The following ATOX1 variants were observed in gnomAD, a reference collection of about 807,000 sequenced individuals.
ATOX1 encodes the protein copper transport protein ATOX1.
A neutral mutation model predicts 7.3 loss-of-function variants in ATOX1; 4 were observed. The observed-to-expected ratio is 0.55, with a 90% CI of 0.27 to 1.25. The LOEUF (loss-of-function observed/expected upper bound fraction) is 1.25. Among genes scored for constraint, ATOX1 ranks in the 50% most tolerant of loss-of-function variants. The pLI, the probability that ATOX1 is intolerant of heterozygous loss-of-function variation, is 0.12. For synonymous variants in ATOX1, 25 were observed against 28.7 expected (o/e 0.87, Z 0.41); for missense variants, 68 against 81.6 (o/e 0.83, Z 0.64).
intron 2 of ATOX1, among the ~76,000 whole-genome samples, chr5:151,749,520 G>A (rs1421923090): frequency 2.0e-5 from 3 of 150,708 alleles, no homozygotes; most frequent in African/African-American, 7.3e-5. Context: ...GCGTGGTGGC[G>A]GGCACCTATA....
rs186313532 is a variant in ATOX1, at chr5:151,758,619, G to A, written c.-68C>T. On this transcript the variant is annotated 5_prime_UTR_variant, in exon 1 of 4. Transcript: ENST00000313115. ...CAGCAGCGCCTCTCTGGATTCGGAG[G>A]GCGGGTTCGGCTGCGCTTCCGAGAG... 2.0e-3 allele frequency: 2,732 copies of A among 1,355,326 alleles called. 7 individuals carry two copies. The highest frequency in any genetic ancestry group is 8.0e-3 in the East Asian group (266 of 33,450). The allele number at this position is 1,355,326 out of a possible 1,614,324, so 84.0% of individuals were successfully genotyped here. A position where few individuals can be genotyped will look rare whatever the true frequency, so the allele number is the denominator to read the frequency against.
chr5:151,755,969 T>A (rs1057112579), intron 1 of ATOX1, among the ~76,000 whole-genome samples: 2 of 144,192 alleles, frequency 1.4e-5, no homozygotes, highest in African/African-American at 5.3e-5. Flanking sequence ...TGAGACTGAG[T>A]CTCACAGTGT....
At chr5:151,755,497 C>G (rs1762003750) in intron 1 of ATOX1, among the ~76,000 whole-genome samples, 1 of 152,200 alleles carries the variant, frequency 6.6e-6, no homozygotes, top group Admixed American at 6.5e-5. Flanking sequence ...CGCCAGCCCT[C>G]ATAACCCTGA....
intron 2 of ATOX1, 151 bp from the exon 3 acceptor site, chr5:151,746,600 G>T: frequency 1.0e-6 from 1 of 972,148 alleles, no homozygotes; most frequent in Non-Finnish European, 1.5e-6. Flanking sequence ...TAACAGGCCA[G>T]AAAGCAAATG....
intron 1 of ATOX1, among the ~76,000 whole-genome samples, chr5:151,755,824 G>A (rs1762006625): frequency 6.6e-6 from 1 of 152,078 alleles, no homozygotes; most frequent in South Asian, 2.1e-4. Flanking sequence ...GCATAACTGG[G>A]TAGTTCTGGT....
intron 2 of ATOX1, chr5:151,746,688 C>A (rs1581555725): frequency 2.5e-6 from 1 of 405,996 alleles, no homozygotes; most frequent in Non-Finnish European, 4.6e-6. Context: ...CCTGAACATA[C>A]AAAAACAGGC....
chr5:151,743,168 C>T (rs1440673140), intron 3 of ATOX1: 1 of 152,208 alleles, frequency 6.6e-6, no homozygotes, highest in African/African-American at 2.4e-5. Context: ...CACACTGCTC[C>T]CATGAAGTCT....
rs765470269 is a variant in ATOX1, at chr5:151,746,344, G to A, written c.188C>T (p.Ser63Phe). The A allele has an allele frequency of 1.9e-6, 3 of 1,613,664 alleles. No individual in the cohort carries two copies. The highest frequency in any genetic ancestry group is 2.5e-6 in the Non-Finnish European group (3 of 1,179,792). The change falls in exon 3 of 4, where the codon TCC becomes TTC. Residue 63 changes from serine to phenylalanine, a missense_variant. Coordinates refer to ENST00000313115, the MANE Select transcript of ATOX1 (RefSeq NM_004045.4). The stretch of plus-strand genomic sequence containing the variant: ...CCCCTGCTACTCAAGGCCAAGGTAG[G>A]AAACAGTCTTTCCTGTTTTCTTCAG... ...ATLKKTGKTV[S>F]YLGLE
chr5:151,746,510 GA>G (rs1167748430), intron 2 of ATOX1, 61 bp from the exon 3 acceptor site: 21 of 1,602,982 alleles, frequency 1.3e-5, no homozygotes, highest in Non-Finnish European at 1.6e-5. Context: ...GTTACAGCAA[GA>G]AAGAGTTCAG....
At chr5:151,757,277 T>C (rs1762030464) in intron 1 of ATOX1, among the ~76,000 whole-genome samples, 2 of 152,154 alleles carry the variant, frequency 1.3e-5, no homozygotes, top group Admixed American at 1.3e-4. Context: ...ACAGTGATGA[T>C]CAAGCTAGCC....
chr5:151,747,497 C>T (rs1255177195), intron 2 of ATOX1, among the ~76,000 whole-genome samples: 1 of 151,884 alleles, frequency 6.6e-6, no homozygotes, highest in Non-Finnish European at 1.5e-5. Flanking sequence ...ATTGCCCAGG[C>T]TGGTCTTGAA....
Position 151,756,108 on chromosome 5 carries a change from A to AT in ATOX1, c.6+2437dup, listed in dbSNP as rs1264104391. Among the ~76,000 whole-genome samples, 3 of 151,372 alleles carry AT rather than the reference A, an allele frequency of 2.0e-5. No homozygotes were observed. In the East Asian group the frequency reaches 5.9e-4, roughly 30 times the overall value. On this transcript the variant is annotated intron_variant, in intron 1 of 3. Transcript: ENST00000313115. Reference sequence around the variant, plus strand: ...AGGCGTCCGCCACCATGCCCGGCTAATTTTTTTGTATATTTAGTAGAGACG... The same window carrying AT: ...AGGCGTCCGCCACCATGCCCGGCTAATTTTTTTTGTATATTTAGTAGAGACG...
intron 2 of ATOX1, among the ~76,000 whole-genome samples, chr5:151,749,531 ATCC>A (rs1183624516): frequency 1.3e-5 from 2 of 151,020 alleles, no homozygotes; most frequent in Non-Finnish European, 3.0e-5. Context: ...GGCACCTATA[ATCC>A]CAGCTACTCG....
chr5:151,752,067 T>C, intron 1 of ATOX1: 1 of 597,704 alleles, frequency 1.7e-6, no homozygotes, highest in South Asian at 2.1e-5. Context: ...TAAAATGCTT[T>C]TTCCCAGTCC....
chr5:151,751,598 A>G, intron 2 of ATOX1, 106 bp downstream of exon 2: 1 of 1,165,952 alleles, frequency 8.6e-7, no homozygotes, highest in East Asian at 2.6e-5. Flanking sequence ...TACTCAATAT[A>G]TTTTAGTTTT....
chr5:151,752,231 T>A (rs1581558072), intron 1 of ATOX1: 5 of 702,440 alleles, frequency 7.1e-6, no homozygotes, highest in South Asian at 1.5e-5. Flanking sequence ...CACCTACAGC[T>A]TGCAAAAACT....
chr5:151,745,790 T>C (rs894825736), intron 3 of ATOX1: 2 of 153,296 alleles, frequency 1.3e-5, no homozygotes, highest in African/African-American at 2.4e-5. Flanking sequence ...TGTGTGGTGA[T>C]AGGTGCCTAT....
At chr5:151,754,980 C>CAAAAA (rs79359321) in intron 1 of ATOX1, among the ~76,000 whole-genome samples, 2 of 48,822 alleles carry the variant, frequency 4.1e-5, no homozygotes, top group African/African-American at 7.3e-5. Context: ...AGACACCGTC[C>CAAAAA]AAAAAAAAAA....
chr5:151,749,727 G>A (rs1247233325), intron 2 of ATOX1, among the ~76,000 whole-genome samples: 1 of 149,328 alleles, frequency 6.7e-6, no homozygotes, highest in Non-Finnish European at 1.5e-5. Flanking sequence ...AGACATACAA[G>A]ATATACATTC....
Sources: allele counts gnomAD v4.1 joint callset (sites outside exome capture counted in the v4.1 genomes callset), GRCh38; gene constraint gnomAD v4.1.1; transcripts MANE v1.5; gene names NCBI Gene and HGNC (gene_info 2026-07-23, HGNC 2026-07-21).